Variants in NME7 observed in about 807,000 individuals in gnomAD.
NME7 encodes NME/NM23 family member 7.
In NME7, 41 loss-of-function variants were observed where a neutral mutation model predicts 49.1. The observed-to-expected ratio is 0.83, with a 90% confidence interval of 0.65 to 1.08. The LOEUF (loss-of-function observed/expected upper bound fraction) is 1.08, where lower values mean the gene tolerates loss of function less well. Among genes scored for constraint, NME7 ranks in the 50% least tolerant of loss-of-function variants. The pLI is 0.00. For missense variants in NME7, 423 were observed against 463.4 expected, an observed-to-expected ratio of 0.91 and a Z score of 0.80; for synonymous variants, 139 against 150.6, an observed-to-expected ratio of 0.92 and a Z score of 0.56.
intron 11 of NME7, among the ~76,000 whole-genome samples, chr1:169,157,185 G>A (rs932636638): frequency 2.0e-5 from 3 of 152,140 alleles, no homozygotes; most frequent in East Asian, 1.9e-4. Context: ...AGACATTTCC[G>A]CCACATAAAG....
chr1:169,183,984 T>A (rs1659999898), intron 10 of NME7, among the ~76,000 whole-genome samples: 1 of 152,006 alleles, frequency 6.6e-6, no homozygotes, highest in African/African-American at 2.4e-5. Flanking sequence ...TTTTTTCTCA[T>A]GGTCACATTA....
At chr1:169,316,676 G>A (rs1459903084) in intron 3 of NME7, among the ~76,000 whole-genome samples, 1 of 152,136 alleles carries the variant, frequency 6.6e-6, no homozygotes, top group Non-Finnish European at 1.5e-5. Flanking sequence ...GAGGACTCAA[G>A]CCTGCTATTG....
rs199701543 is a variant in NME7, at chr1:169,367,676, G to C, written c.3+32C>G. 2,131 of 1,614,068 alleles carry C rather than the reference G, an allele frequency of 1.3e-3. 8 individuals are homozygous for C. Among genetic ancestry groups the C allele is most frequent in the Non-Finnish European group, 1.3e-3 (1,557 of 1,179,942 alleles). ...GGAAAGCTAAGTAAGTAGGACCCCA[G>C]AGCCGTTCTTCTGGCATCCCCTGGC... On this transcript the variant is annotated intron_variant, in intron 1 of 11. Transcript: ENST00000367811.
chr1:169,242,111 T>C (rs1173358176), intron 7 of NME7, among the ~76,000 whole-genome samples: 1 of 151,868 alleles, frequency 6.6e-6, no homozygotes, highest in Non-Finnish European at 1.5e-5. Flanking sequence ...TATTTCCAAA[T>C]GTTAAAATTT....
At chr1:169,250,219 G>A (rs1194022876) in intron 7 of NME7, among the ~76,000 whole-genome samples, 1 of 151,868 alleles carries the variant, frequency 6.6e-6, no homozygotes, top group African/African-American at 2.4e-5. Flanking sequence ...TATGTTTCCT[G>A]GAATTTATCC....
Position 169,263,375 on chromosome 1 carries a change from G to A in NME7, c.754+23928C>T, listed in dbSNP as rs546596665. ...TAAGAATCACAATAAAACAATACAGGAGATGAAAGTCAAAATAGCTCATAT... is the reference window on the plus strand; with the variant it reads ...TAAGAATCACAATAAAACAATACAGAAGATGAAAGTCAAAATAGCTCATAT... On this transcript the variant is annotated intron_variant, in intron 7 of 11. Coordinates refer to ENST00000367811, the MANE Select transcript of NME7 (RefSeq NM_013330.5). 4.6e-4 allele frequency among the ~76,000 whole-genome samples: 61 copies of A among 133,614 alleles called. 12 individuals carry two copies. The highest frequency in any genetic ancestry group is 9.5e-4 in the Non-Finnish European group (54 of 56,838). 87.7% of individuals were successfully genotyped at this position (133,614 alleles called of 152,430 possible).
chr1:169,251,523 C>T (rs1648609054), intron 7 of NME7, among the ~76,000 whole-genome samples: 1 of 142,186 alleles, frequency 7.0e-6, no homozygotes, highest in Non-Finnish European at 1.5e-5. Context: ...TATCCTGTTA[C>T]TTGTTACCTA....
At chr1:169,188,402 T>C (rs1481593286) in intron 10 of NME7, among the ~76,000 whole-genome samples, 1 of 152,178 alleles carries the variant, frequency 6.6e-6, no homozygotes, top group Non-Finnish European at 1.5e-5. Context: ...TTTGGAAACT[T>C]GATTGTTCAA....
chr1:169,154,657 G>C (rs1215996248), intron 11 of NME7, among the ~76,000 whole-genome samples: 5 of 151,868 alleles, frequency 3.3e-5, no homozygotes, highest in East Asian at 3.9e-4. Context: ...AATTAGATGG[G>C]CATGGTGGCG....
intron 7 of NME7, among the ~76,000 whole-genome samples, chr1:169,246,665 A>C (rs1648330123): frequency 6.6e-6 from 1 of 152,002 alleles, no homozygotes. Flanking sequence ...GCTGGACTTG[A>C]ACTCCTGGGC....
intron 10 of NME7, among the ~76,000 whole-genome samples, chr1:169,222,711 A>T (rs1661181528): frequency 6.6e-6 from 1 of 152,164 alleles, no homozygotes; most frequent in African/African-American, 2.4e-5. Flanking sequence ...GCTGGCCTTG[A>T]CTTCACAGAC....
At chr1:169,144,346 G>T (rs1658690918) in intron 11 of NME7, among the ~76,000 whole-genome samples, 1 of 152,032 alleles carries the variant, frequency 6.6e-6, no homozygotes, top group East Asian at 1.9e-4. Context: ...ATCCACAAAG[G>T]CCATTACAAG....
intron 5 of NME7, among the ~76,000 whole-genome samples, chr1:169,299,798 C>A (rs931785265): frequency 1.3e-5 from 2 of 151,946 alleles, no homozygotes; most frequent in South Asian, 4.2e-4. Flanking sequence ...TTCTATAATA[C>A]CTCCTCATAC....
chr1:169,326,008 T>G (rs991113522), intron 1 of NME7, among the ~76,000 whole-genome samples: 3 of 151,966 alleles, frequency 2.0e-5, no homozygotes, highest in African/African-American at 7.2e-5. Context: ...AATTTAAATA[T>G]TAGTAGATTA....
intron 3 of NME7, chr1:169,310,617 G>A (rs1651345730): frequency 6.6e-6 from 1 of 152,290 alleles, no homozygotes; most frequent in Non-Finnish European, 1.5e-5. Context: ...GTAACAACAT[G>A]CTAACTTTTA....
intron 11 of NME7, among the ~76,000 whole-genome samples, chr1:169,145,566 T>C (rs765505801): frequency 7.2e-5 from 11 of 152,134 alleles, no homozygotes; most frequent in Non-Finnish European, 1.6e-4. Flanking sequence ...TGAAAATCCA[T>C]AGATAGCCTC....
At chr1:169,165,352 A>G (rs1322400016) in intron 11 of NME7, among the ~76,000 whole-genome samples, 2 of 152,174 alleles carry the variant, frequency 1.3e-5, no homozygotes, top group African/African-American at 4.8e-5. Flanking sequence ...GACAAAATAT[A>G]AACTGAAGCC....
At chr1:169,340,185 G>A (rs1652633990) in intron 1 of NME7, among the ~76,000 whole-genome samples, 7 of 152,164 alleles carry the variant, frequency 4.6e-5, no homozygotes, top group Admixed American at 4.6e-4. Context: ...GTCAAGACAG[G>A]GGCCTGGTGG....
chr1:169,313,275 G>C (rs1651484117), intron 3 of NME7, among the ~76,000 whole-genome samples: 1 of 150,026 alleles, frequency 6.7e-6, no homozygotes, highest in South Asian at 2.1e-4. Flanking sequence ...TGACAGCATT[G>C]CCTATCTGGA....
Sources: allele counts gnomAD v4.1 joint callset (sites outside exome capture counted in the v4.1 genomes callset), GRCh38; gene constraint gnomAD v4.1.1; transcripts MANE v1.5; gene names NCBI Gene and HGNC (gene_info 2026-07-23, HGNC 2026-07-21).